The following EPHB1 variants were observed in gnomAD, a reference collection of about 807,000 sequenced individuals.
The protein encoded by EPHB1 is EPH receptor B1.
In EPHB1, 30 loss-of-function variants were observed where a neutral mutation model predicts 94.4. That is an observed-to-expected ratio of 0.32 (90% CI 0.24 to 0.43). The LOEUF is 0.43. EPHB1 is among the 20% of genes least tolerant of loss of function. The pLI, the probability that EPHB1 is intolerant of heterozygous loss-of-function variation, is 1.00. For synonymous variants in EPHB1, 522 were observed against 489.1 expected (o/e 1.07, Z -0.89); for missense variants, 1,055 against 1,308.3 (o/e 0.81, Z 2.99).
chr3:135,132,368 A>C (rs957178081), intron 4 of EPHB1, among the ~76,000 whole-genome samples: 6 of 152,150 alleles, frequency 3.9e-5, no homozygotes, highest in Non-Finnish European at 8.8e-5. Context: ...TAAATGTTCA[A>C]TATATATACA....
At chr3:135,019,667 T>C (rs1163228603) in intron 3 of EPHB1, among the ~76,000 whole-genome samples, 4 of 152,260 alleles carry the variant, frequency 2.6e-5, no homozygotes, top group Non-Finnish European at 5.9e-5. Context: ...CCTTCATCCA[T>C]TGAATATTAC....
intron 1 of EPHB1, among the ~76,000 whole-genome samples, chr3:134,798,481 C>A (rs970352145): frequency 2.0e-5 from 3 of 152,128 alleles, no homozygotes; most frequent in African/African-American, 7.2e-5. Flanking sequence ...TCCCTCCTTT[C>A]CCCCCACACT....
chr3:134,870,897 A>G (rs2037485435), intron 1 of EPHB1, among the ~76,000 whole-genome samples: 1 of 152,196 alleles, frequency 6.6e-6, no homozygotes, highest in Non-Finnish European at 1.5e-5. Flanking sequence ...CCTTGTTTAT[A>G]TGGCATAAGA....
chr3:135,188,429 A>C (rs1942385684), intron 10 of EPHB1, among the ~76,000 whole-genome samples: 1 of 152,184 alleles, frequency 6.6e-6, no homozygotes, highest in Non-Finnish European at 1.5e-5. Flanking sequence ...CGAAAGGCCG[A>C]GATTGCAGTG....
At chr3:134,844,977 T>C (rs1404613782) in intron 1 of EPHB1, among the ~76,000 whole-genome samples, 2 of 152,172 alleles carry the variant, frequency 1.3e-5, no homozygotes, top group Non-Finnish European at 1.5e-5. Context: ...CTGAATCCAC[T>C]TCAGATTTGT....
intron 4 of EPHB1, among the ~76,000 whole-genome samples, chr3:135,127,897 C>T (rs1012558916): frequency 3.3e-5 from 5 of 152,264 alleles, no homozygotes; most frequent in South Asian, 2.1e-4. Context: ...TGGAGGACAT[C>T]GGAGACCCAT....
chr3:135,253,077 AAT>A (rs1165789659), intron 15 of EPHB1, among the ~76,000 whole-genome samples: 1 of 148,714 alleles, frequency 6.7e-6, no homozygotes, highest in African/African-American at 2.5e-5. Context: ...TTTTCTTGTA[AAT>A]TTGTTTGAGT....
At chr3:135,032,081 C>T (rs1936490956) in intron 3 of EPHB1, among the ~76,000 whole-genome samples, 1 of 151,958 alleles carries the variant, frequency 6.6e-6, no homozygotes, top group Non-Finnish European at 1.5e-5. Context: ...TTTTCTAATA[C>T]TCATTGCCTG....
intron 9 of EPHB1, among the ~76,000 whole-genome samples, chr3:135,176,148 T>TTA (rs1289895613): frequency 6.6e-6 from 1 of 152,124 alleles, no homozygotes; most frequent in South Asian, 2.1e-4. Flanking sequence ...AGGGGAGCCC[T>TTA]TACGTGCTTG....
At position 134,823,071 on chromosome 3, in the gene EPHB1, C is replaced by T. The variant is rs117258815; in HGVS notation, c.58+27382C>T. ...ACAGGACCACCCAGCCTACTCATTC[C>T]CTGCACATTCCAAGAGCCCAGACCC... On this transcript the variant is annotated intron_variant, in intron 1 of 15. Coordinates refer to ENST00000398015, the MANE Select transcript of EPHB1 (RefSeq NM_004441.5). Among the ~76,000 whole-genome samples the T allele has an allele frequency of 3.3e-3, 509 of 152,320 alleles. 6 individuals carry two copies. The East Asian group carries it at 0.035, about 11-fold the overall frequency.
At chr3:135,245,997 G>A (rs1008674324) in intron 13 of EPHB1, among the ~76,000 whole-genome samples, 17 of 152,168 alleles carry the variant, frequency 1.1e-4, no homozygotes, top group South Asian at 2.1e-4. Flanking sequence ...ATGGAGCTGC[G>A]CTCTCTCAGA....
At chr3:134,795,903 G>A (rs895535479) in intron 1 of EPHB1, among the ~76,000 whole-genome samples, 2 of 152,220 alleles carry the variant, frequency 1.3e-5, no homozygotes, top group Non-Finnish European at 2.9e-5. Flanking sequence ...GCCCGAAACT[G>A]GCTCGCGAGT....
At chr3:135,254,984 A>G (rs1933309973) in intron 15 of EPHB1, among the ~76,000 whole-genome samples, 2 of 151,912 alleles carry the variant, frequency 1.3e-5, no homozygotes, top group African/African-American at 4.8e-5. Context: ...TTTCTTCTTG[A>G]TTTTCTAGTT....
At chr3:134,797,905 A>G (rs932208218) in intron 1 of EPHB1, among the ~76,000 whole-genome samples, 5 of 152,114 alleles carry the variant, frequency 3.3e-5, no homozygotes, top group Non-Finnish European at 7.4e-5. Flanking sequence ...GGGATATTAC[A>G]CACCATTCAC....
intron 3 of EPHB1, among the ~76,000 whole-genome samples, chr3:135,022,042 C>T (rs1036044177): frequency 3.3e-5 from 5 of 152,186 alleles, no homozygotes; most frequent in African/African-American, 7.2e-5. Flanking sequence ...TGCAGTGGCA[C>T]GATCTCGGCT....
chr3:135,199,440 A>G (rs1476875365), intron 11 of EPHB1, among the ~76,000 whole-genome samples: 1 of 152,244 alleles, frequency 6.6e-6, no homozygotes, highest in Non-Finnish European at 1.5e-5. Flanking sequence ...CAGCTCACAG[A>G]TGGGCAACGT....
At chr3:135,100,597 G>A (rs1938999855) in intron 3 of EPHB1, among the ~76,000 whole-genome samples, 1 of 152,184 alleles carries the variant, frequency 6.6e-6, no homozygotes, top group African/African-American at 2.4e-5. Context: ...TCACTGCACT[G>A]TTTATGAGAC....
intron 10 of EPHB1, among the ~76,000 whole-genome samples, chr3:135,184,612 C>T (rs1230802080): frequency 6.6e-6 from 1 of 152,058 alleles, no homozygotes; most frequent in Non-Finnish European, 1.5e-5. Flanking sequence ...GGAGGGAGAA[C>T]ATGGCAGTTA....
Position 135,244,779 on chromosome 3 carries a change from A to G in EPHB1, c.2496+3482A>G, listed in dbSNP as rs1055869738. On this transcript the variant is annotated intron_variant, in intron 13 of 15. Coordinates refer to ENST00000398015, the MANE Select transcript of EPHB1 (RefSeq NM_004441.5). ...TTAGAAAACACGCATATCCTAAAGA[A>G]GAGAATAAAAATCTCCAAAGGCATT... 1.6e-4 allele frequency among the ~76,000 whole-genome samples: 24 copies of G among 152,222 alleles called. 1 individual carries two copies. The highest frequency in any genetic ancestry group is 1.6e-3 in the Admixed American group (24 of 15,284).
Sources: allele counts gnomAD v4.1 joint callset (sites outside exome capture counted in the v4.1 genomes callset), GRCh38; gene constraint gnomAD v4.1.1; transcripts MANE v1.5; gene names NCBI Gene and HGNC (gene_info 2026-07-23, HGNC 2026-07-21).